Variants in SPINT1 observed in about 807,000 individuals in gnomAD.
The protein encoded by SPINT1 is serine peptidase inhibitor, Kunitz type 1, also known as kunitz-type protease inhibitor 1.
In SPINT1, 38 loss-of-function variants were observed where a neutral mutation model predicts 53.7. The ratio of observed to expected loss-of-function variants is 0.71; its 90% CI spans 0.55 to 0.93. The LOEUF is 0.93. Ranked by LOEUF, SPINT1 falls within the 40% of genes least tolerant of loss-of-function variation. The pLI is 0.00. For missense variants in SPINT1, 645 were observed against 692.9 expected (o/e 0.93, Z 0.78); for synonymous variants, 283 against 280.6 (o/e 1.01, Z -0.08).
At chr15:40,848,485 A>G (rs1460273923) in intron 2 of SPINT1, among the ~76,000 whole-genome samples, 1 of 152,248 alleles carries the variant, frequency 6.6e-6, no homozygotes, top group Admixed American at 6.5e-5. Context: ...ATTGTTTATA[A>G]TAACGAAGAA....
At chr15:40,854,891 C>T (rs981099512) in intron 8 of SPINT1, among the ~76,000 whole-genome samples, 2 of 152,184 alleles carry the variant, frequency 1.3e-5, no homozygotes, top group African/African-American at 4.8e-5. Context: ...CTGTGTTTTC[C>T]AGGCATCACT....
Position 40,844,412 on chromosome 15 carries a change from C to T in SPINT1, c.-65-78C>T, listed in dbSNP as rs1891205897. On this transcript the variant is annotated intron_variant, in intron 1 of 10. Coordinates refer to ENST00000562057, the MANE Select transcript of SPINT1 (RefSeq NM_003710.4). This position sits in a 1 kb window ranked among gnomAD's most constrained non-coding sequence, Gnocchi z 5.8. Reference sequence around the variant, plus strand: ...CGGTCCCTCCTCCCCGCCACTTCCTCCCGGCCGGCCCGCCTCCTCCAAAGT... The same window carrying T: ...CGGTCCCTCCTCCCCGCCACTTCCTTCCGGCCGGCCCGCCTCCTCCAAAGT... The T allele has an allele frequency of 6.6e-6, 6 of 904,740 alleles. No individual in the cohort carries two copies. The East Asian group carries it at 1.5e-4, about 23-fold the overall frequency. 56.0% of individuals were successfully genotyped at this position (904,740 alleles called of 1,614,324 possible).
chr15:40,852,763 C>T (rs924510747), intron 2 of SPINT1, among the ~76,000 whole-genome samples: 1 of 151,070 alleles, frequency 6.6e-6, no homozygotes, highest in Non-Finnish European at 1.5e-5. Flanking sequence ...CAGCTACTCA[C>T]GAGGCCGAGG....
intron 10 of SPINT1, 65 bp from the exon 11 acceptor site, chr15:40,856,705 T>C: frequency 1.2e-6 from 2 of 1,604,180 alleles, no homozygotes; most frequent in Non-Finnish European, 1.7e-6. Flanking sequence ...CTTCCATAGA[T>C]TGGGGGTGGG....
chr15:40,844,444 G>T lies in SPINT1; in HGVS notation c.-65-46G>T. On this transcript the variant is annotated intron_variant, in intron 1 of 10. Transcript: ENST00000562057. The surrounding 1 kb of genome is among the most constrained non-coding windows in gnomAD (Gnocchi z 5.8). ...GGCCCGCCTCCTCCAAAGTCTCCCGGGCTGATCAGGTGTGTCTCCTCCTCT... is the reference window on the plus strand; with the variant it reads ...GGCCCGCCTCCTCCAAAGTCTCCCGTGCTGATCAGGTGTGTCTCCTCCTCT... 1.8e-6 allele frequency: 2 copies of T among 1,129,914 alleles called. No individual in the cohort carries two copies. The highest frequency in any genetic ancestry group is 1.3e-6 in the Non-Finnish European group (1 of 755,812). 70.0% of individuals were successfully genotyped at this position (1,129,914 alleles called of 1,614,324 possible).
Position 40,844,197 on chromosome 15 carries a change from C to T in SPINT1, c.-66+11C>T, listed in dbSNP as rs1245307305. On this transcript the variant is annotated intron_variant, in intron 1 of 10. Transcript: ENST00000562057. This position sits in a 1 kb window ranked among gnomAD's most constrained non-coding sequence, Gnocchi z 5.8. ...AACTCACCTGCGCAGGTAACCCGGG[C>T]CCCCGCGCGCAAGGCCGAGGCGCAG... 4 of 401,624 alleles carry T rather than the reference C, an allele frequency of 1.0e-5. No homozygotes were observed. Among genetic ancestry groups the T allele is most frequent in the Non-Finnish European group, 1.4e-5 (3 of 212,898 alleles). 24.9% of individuals were successfully genotyped at this position (401,624 alleles called of 1,614,324 possible).
At chr15:40,847,388 G>C (rs964924097) in intron 2 of SPINT1, among the ~76,000 whole-genome samples, 2 of 152,214 alleles carry the variant, frequency 1.3e-5, no homozygotes, top group African/African-American at 4.8e-5. Flanking sequence ...GGCACTGAGA[G>C]CTTCCAAACC....
chr15:40,853,663 C>T lies in SPINT1; in HGVS notation c.742+36C>T, dbSNP rs374398975. ...GGTGAGGAGCAGCACCTGGAGCCCC[C>T]GCTGTGCGGATTGGCCGCACGGTCC... On this transcript the variant is annotated intron_variant, in intron 4 of 10. Transcript: ENST00000562057. 2.9e-5 allele frequency: 47 copies of T among 1,613,988 alleles called. No individual in the cohort carries two copies. In the East Asian group the frequency reaches 3.8e-4, roughly 13 times the overall value.
intron 6 of SPINT1, 108 bp from the exon 7 acceptor site, chr15:40,854,289 G>T: frequency 6.7e-7 from 1 of 1,481,840 alleles, no homozygotes. Context: ...TGGGGTTGGT[G>T]GAAAGGGAAT....
intron 2 of SPINT1, among the ~76,000 whole-genome samples, chr15:40,849,681 T>G (rs952867908): frequency 3.3e-5 from 5 of 152,220 alleles, no homozygotes; most frequent in Non-Finnish European, 7.3e-5. Context: ...AGAGAGCATT[T>G]GCTGTGGAGT....
Position 40,856,160 on chromosome 15 carries a change from C to T in SPINT1, c.1288+98C>T, listed in dbSNP as rs982054260. On this transcript the variant is annotated intron_variant, in intron 9 of 10. Transcript: ENST00000562057. ...CCTTTGGGAGTCACCCCTCCATCCT[C>T]AGAGCGCCTGGAGTAGGAGTGGGAG... is the stretch of plus-strand genomic sequence containing the variant. 6.9e-6 allele frequency: 11 copies of T among 1,592,784 alleles called. No homozygotes were observed. In the African/African-American group the frequency reaches 9.4e-5, roughly 14 times the overall value.
chr15:40,844,181 G>C lies in SPINT1; in HGVS notation c.-71G>C, dbSNP rs1307821239. ...GGACCCGGCCCCACCCAACTCACCTGCGCAGGTAACCCGGGCCCCCGCGCG... is the reference window on the plus strand; with the variant it reads ...GGACCCGGCCCCACCCAACTCACCTCCGCAGGTAACCCGGGCCCCCGCGCG... On this transcript the variant is annotated 5_prime_UTR_variant, in exon 1 of 11. Coordinates refer to ENST00000562057, the MANE Select transcript of SPINT1 (RefSeq NM_003710.4). The surrounding 1 kb of genome is among the most constrained non-coding windows in gnomAD (Gnocchi z 5.8). 2.4e-6 allele frequency: 1 copy of C among 413,006 alleles called. No individual in the cohort carries two copies. The highest frequency in any genetic ancestry group is 3.2e-5 in the Admixed American group (1 of 31,316). 25.6% of individuals were successfully genotyped at this position (413,006 alleles called of 1,614,324 possible). A position where few individuals can be genotyped will look rare whatever the true frequency, so the allele number is the denominator to read the frequency against.
At chr15:40,849,661 T>TA (rs1359173890) in intron 2 of SPINT1, among the ~76,000 whole-genome samples, 1 of 152,188 alleles carries the variant, frequency 6.6e-6, no homozygotes, top group Non-Finnish European at 1.5e-5. Context: ...CCTATAGAAT[T>TA]ACGTTTTGGA....
chr15:40,856,645 G>A, intron 10 of SPINT1, 125 bp from the exon 11 acceptor site: 1 of 1,517,698 alleles, frequency 6.6e-7, no homozygotes. Flanking sequence ...TGGGAGGTCT[G>A]AGTCGGGTGC....
In SPINT1 at chr15:40,844,906, C is replaced by T; in HGVS notation, c.352C>T (p.Leu118Phe). ...GGAGGACGCCATCGCCGCCTGCTTC[C>T]TCATCAACTGCCTCTACGAGCAGAA... The part of the protein sequence containing the change: ...RGEDAIAACF[L>F]INCLYEQNFV... Residue 118 changes from leucine (L) to phenylalanine (F), a missense_variant, in exon 2 of 11, where the codon CTC becomes TTC. Coordinates refer to ENST00000562057, the MANE Select transcript of SPINT1 (RefSeq NM_003710.4). The surrounding 1 kb of genome is among the most constrained non-coding windows in gnomAD (Gnocchi z 5.8). 1 of 1,614,068 alleles carries T rather than the reference C, an allele frequency of 6.2e-7. No individual in the cohort carries two copies. The highest frequency in any genetic ancestry group is 2.2e-5 in the East Asian group (1 of 44,888).
chr15:40,855,887 C>G lies in SPINT1; in HGVS notation c.1118-5C>G, dbSNP rs658752. On this transcript the variant is annotated splice_polypyrimidine_tract_variant and splice_region_variant and intron_variant, in intron 8 of 10. Transcript: ENST00000562057. ...GCTCACCATAGCCTACCCCATACCC[C>G]CCAGGGCACTGCGTGGACCTGCCAG... The G allele has an allele frequency of 1.2e-6, 2 of 1,613,200 alleles. No individual in the cohort carries two copies. The highest frequency in any genetic ancestry group is 3.3e-5 in the Admixed American group (2 of 59,942).
chr15:40,854,830 C>T, intron 8 of SPINT1, 141 bp downstream of exon 8: 1 of 1,012,090 alleles, frequency 9.9e-7, no homozygotes, highest in African/African-American at 1.6e-5. Context: ...CCCCGTTCTC[C>T]AGATGGCTCA....
In SPINT1 at chr15:40,844,461, TC is replaced by T. The variant is rs577438130; in HGVS notation, c.-65-27del. ...GTCTCCCGGGCTGATCAGGTGTGTC[TC>T]CTCCTCTGTCCCCTCCCTTCTTCTC... On this transcript the variant is annotated intron_variant, in intron 1 of 10. Transcript: ENST00000562057. The surrounding 1 kb of genome is among the most constrained non-coding windows in gnomAD (Gnocchi z 5.8). The T allele has an allele frequency of 4.4e-4, 566 of 1,278,462 alleles. 6 individuals carry two copies. The African/African-American group carries it at 7.6e-3, about 17-fold the overall frequency. 79.2% of individuals were successfully genotyped at this position (1,278,462 alleles called of 1,614,324 possible).
rs775838328 is a variant in SPINT1 at position 40,856,314 on chromosome 15, C to A, written c.1327C>A (p.Pro443Thr). ...VFGLRREIPI[P>T]STGSVEMAVA... ...TGGCCTGAGGCGGGAAATCCCCATT[C>A]CCAGCACAGGTAAGCCCTGATCTGT... Residue 443 changes from proline (P) to threonine (T), a missense_variant, in exon 10 of 11, where the codon CCC becomes ACC. Transcript: ENST00000562057. 4 of 1,614,036 alleles carry A rather than the reference C, an allele frequency of 2.5e-6. No individual in the cohort carries two copies. The African/African-American group carries it at 5.3e-5, about 22-fold the overall frequency.
Sources: gnomAD v4.1 joint callset for allele counts (sites outside exome capture counted in the v4.1 genomes callset) on GRCh38, gnomAD v4.1.1 for gene constraint, Gnocchi (gnomAD v3.1) non-coding constraint, MANE v1.5 for transcripts, NCBI Gene and HGNC (gene_info 2026-07-23, HGNC 2026-07-21) for gene names.